The following RGS8 variants were observed in gnomAD, a reference collection of about 807,000 sequenced individuals.
The protein encoded by RGS8 is regulator of G-protein signaling 8.
RGS8 carries 8 observed loss-of-function variants against 21.7 expected under a neutral mutation model. The observed-to-expected ratio is 0.37, with a 90% CI of 0.22 to 0.66. The LOEUF (loss-of-function observed/expected upper bound fraction) is 0.66. Among genes scored for constraint, RGS8 ranks in the 30% least tolerant of loss-of-function variants. RGS8 has a pLI of 0.59. For synonymous variants in RGS8, 80 were observed against 83.6 expected (o/e 0.96, Z 0.24); for missense variants, 157 against 217.9 (o/e 0.72, Z 1.76).
the RGS8 span, among the ~76,000 whole-genome samples, chr1:182,741,575 G>A: frequency 1.2e-4 from 14 of 115,568 alleles, no homozygotes; most frequent in East Asian, 8.4e-4. Context: ...AGGGGCGGCC[G>A]GGCAGAGGCG....
At chr1:182,650,254 G>T (rs149089076) in intron 5 of RGS8, among the ~76,000 whole-genome samples, 1 of 152,272 alleles carries the variant, frequency 6.6e-6, no homozygotes, top group Admixed American at 6.5e-5. Context: ...GGCATCTGAC[G>T]TCCACCACTA....
At chr1:182,743,633 T>C in the RGS8 span, among the ~76,000 whole-genome samples, 4 of 152,228 alleles carry the variant, frequency 2.6e-5, no homozygotes, top group African/African-American at 7.2e-5. Context: ...CAGACCAAAA[T>C]ATTCCTGTCT....
chr1:182,728,295 G>T, the RGS8 span, among the ~76,000 whole-genome samples: 3 of 152,140 alleles, frequency 2.0e-5, no homozygotes, highest in Admixed American at 6.5e-5. Context: ...AACCATGAAG[G>T]ATGTGGTCTA....
At chr1:182,702,338 G>T in the RGS8 span, among the ~76,000 whole-genome samples, 1 of 152,080 alleles carries the variant, frequency 6.6e-6, no homozygotes, top group African/African-American at 2.4e-5. Flanking sequence ...TAAACATTGG[G>T]TACTCACGGA....
At chr1:182,670,008 G>A (rs994096435) in intron 2 of RGS8, among the ~76,000 whole-genome samples, 3 of 152,248 alleles carry the variant, frequency 2.0e-5, no homozygotes, top group Non-Finnish European at 2.9e-5. Flanking sequence ...AAAGTGGAAC[G>A]TGTGCCTCAG....
exon 2 of RGS8, chr1:182,671,697 C>A: frequency 6.2e-7 from 1 of 1,614,174 alleles, no homozygotes; most frequent in South Asian, 1.1e-5. Flanking sequence ...TCTTTGCCAA[C>A]TGGATGGTCA....
At chr1:182,741,986 G>A in the RGS8 span, among the ~76,000 whole-genome samples, 7 of 147,372 alleles carry the variant, frequency 4.7e-5, no homozygotes, top group African/African-American at 1.5e-4. Flanking sequence ...CTTCTCAGAC[G>A]GGGCGGTTGC....
At chr1:182,721,014 T>C in the RGS8 span, among the ~76,000 whole-genome samples, 16 of 105,454 alleles carry the variant, frequency 1.5e-4, 2 homozygotes, top group Non-Finnish European at 2.3e-4. Flanking sequence ...TATACATATA[T>C]ACACATATAT....
the RGS8 span, among the ~76,000 whole-genome samples, chr1:182,745,805 C>T: frequency 2.6e-5 from 4 of 152,216 alleles, no homozygotes; most frequent in African/African-American, 7.2e-5. Context: ...AGCTTCCTAG[C>T]TTGAAATATC....
the RGS8 span, among the ~76,000 whole-genome samples, chr1:182,690,805 C>T: frequency 6.6e-5 from 10 of 152,304 alleles, no homozygotes; most frequent in Admixed American, 2.0e-4. Context: ...ATCCATTACA[C>T]GGTACTCTCT....
At chr1:182,677,377 T>C (rs913736608), upstream of RGS8, among the ~76,000 whole-genome samples, 3 of 152,250 alleles carry the variant, frequency 2.0e-5, no homozygotes, top group African/African-American at 7.2e-5. Context: ...TCATTATTCG[T>C]AGTCTTTTCA....
chr1:182,734,302 C>A, the RGS8 span: 2 of 152,136 alleles, frequency 1.3e-5, no homozygotes, highest in African/African-American at 4.8e-5. Flanking sequence ...TATGGCCATG[C>A]GGGTTTTAAT....
the RGS8 span, among the ~76,000 whole-genome samples, chr1:182,740,548 GTT>G: frequency 0.011 from 847 of 75,880 alleles, 2 homozygotes; most frequent in Non-Finnish European, 0.02. Flanking sequence ...TTGTTTGTTT[GTT>G]TTTTTTTTTT....
chr1:182,718,025 C>T, the RGS8 span, among the ~76,000 whole-genome samples: 1 of 152,168 alleles, frequency 6.6e-6, no homozygotes, highest in Non-Finnish European at 1.5e-5. Flanking sequence ...AAACTGTTGT[C>T]CACGTAGCTG....
exon 3 of RGS8, chr1:182,669,703 AG>A (rs1664058131): frequency 6.2e-7 from 1 of 1,613,656 alleles, no homozygotes; most frequent in Admixed American, 1.7e-5. Flanking sequence ...ACGTCAGGGC[AG>A]GAAATAAGAC....
At chr1:182,741,810 C>T in the RGS8 span, among the ~76,000 whole-genome samples, 1 of 112,552 alleles carries the variant, frequency 8.9e-6, no homozygotes, top group Non-Finnish European at 2.1e-5. Context: ...GGGCTCCTCA[C>T]TTCCCAGTAG....
intron 3 of RGS8, 144 bp downstream of exon 4, chr1:182,669,480 A>G: frequency 8.2e-7 from 1 of 1,215,420 alleles, no homozygotes; most frequent in Admixed American, 1.8e-5. Context: ...CGTGCAGTTC[A>G]CACAGGAGGC....
At chr1:182,644,386 G>A (rs1662610869), downstream of RGS8, 1 of 152,184 alleles carries the variant, frequency 6.6e-6, no homozygotes, top group South Asian at 2.1e-4. Flanking sequence ...CATAAATTTA[G>A]CTATCACGTT....
chr1:182,714,186 G>C, the RGS8 span: 7 of 152,064 alleles, frequency 4.6e-5, no homozygotes, highest in Admixed American at 3.3e-4. Context: ...TTCCTGACCC[G>C]CATAGTAAAT....
Sources: allele counts gnomAD v4.1 joint callset (sites outside exome capture counted in the v4.1 genomes callset), GRCh38; gene constraint gnomAD v4.1.1; transcripts MANE v1.5; gene names NCBI Gene and HGNC (gene_info 2026-07-23, HGNC 2026-07-21).